Variants in GNAL observed in about 807,000 individuals in gnomAD.
GNAL encodes G protein subunit alpha L.
GNAL carries 18 observed loss-of-function variants against 55.1 expected under a neutral mutation model. The observed-to-expected ratio is 0.33, with a 90% CI of 0.23 to 0.48. GNAL has a LOEUF of 0.48. Ranked by LOEUF, GNAL falls within the 20% of genes least tolerant of loss-of-function variation. The pLI is 0.99. For missense variants in GNAL, 412 were observed against 614.1 expected (o/e 0.67, Z 3.48); for synonymous variants, 253 against 237.0 (o/e 1.07, Z -0.62).
chr18:11,729,892 A>G (rs886504144), intron 1 of GNAL, among the ~76,000 whole-genome samples: 2 of 152,220 alleles, frequency 1.3e-5, no homozygotes, highest in African/African-American at 4.8e-5. Context: ...GTAAAATCAT[A>G]AAGCAACACA....
intron 1 of GNAL, among the ~76,000 whole-genome samples, chr18:11,719,769 C>T (rs1229910709): frequency 6.6e-6 from 1 of 150,552 alleles, no homozygotes. Flanking sequence ...CACCATGCTG[C>T]AGCAGCCATG....
Position 11,867,236 on chromosome 18 carries a change from T to C in GNAL, c.910+10T>C, listed in dbSNP as rs1334971415. The C allele has an allele frequency of 3.8e-6, 6 of 1,563,718 alleles. No homozygotes were observed. Among genetic ancestry groups the C allele is most frequent in the African/African-American group, 2.7e-5 (2 of 73,890 alleles). ...ATCCAGTGCTTTAACGGTGATTTTT[T>C]TATGCTCTCTCAAGAAAATAGGAGT... On this transcript the variant is annotated intron_variant, in intron 8 of 11. Coordinates refer to ENST00000334049, the MANE Select transcript of GNAL (RefSeq NM_182978.4).
intron 5 of GNAL, among the ~76,000 whole-genome samples, chr18:11,831,106 A>C (rs2143685516): frequency 6.6e-6 from 1 of 152,328 alleles, no homozygotes; most frequent in East Asian, 1.9e-4. Flanking sequence ...GGAATTGCAT[A>C]CATCAAAATG....
intron 1 of GNAL, among the ~76,000 whole-genome samples, chr18:11,738,594 C>T (rs934807796): frequency 3.9e-5 from 6 of 152,008 alleles, no homozygotes; most frequent in African/African-American, 1.4e-4. Context: ...ATTACAGGCG[C>T]CCACCACCAC....
intron 5 of GNAL, among the ~76,000 whole-genome samples, chr18:11,838,825 A>G (rs1451655050): frequency 6.6e-6 from 1 of 152,246 alleles, no homozygotes; most frequent in African/African-American, 2.4e-5. Context: ...TAGAAAAGCA[A>G]AAAATACTGA....
At chr18:11,745,293 GGCTCCTT>G (rs2032665687) in intron 1 of GNAL, among the ~76,000 whole-genome samples, 1 of 152,014 alleles carries the variant, frequency 6.6e-6, no homozygotes, top group Non-Finnish European at 1.5e-5. Flanking sequence ...AGGGGTGGGA[GGCTCCTT>G]ATAATGGGAA....
At chr18:11,777,168 C>T (rs2033807702) in intron 4 of GNAL, among the ~76,000 whole-genome samples, 1 of 152,134 alleles carries the variant, frequency 6.6e-6, no homozygotes, top group Admixed American at 6.6e-5. Flanking sequence ...GGGCTTTGGC[C>T]AAGTTTTCAG....
intron 5 of GNAL, among the ~76,000 whole-genome samples, chr18:11,846,468 C>T (rs866875869): frequency 6.1e-5 from 8 of 130,738 alleles, no homozygotes; most frequent in South Asian, 2.3e-4. Flanking sequence ...TAAATATACA[C>T]ACACACACAC....
At chr18:11,862,123 C>T (rs1468447023) in intron 5 of GNAL, among the ~76,000 whole-genome samples, 2 of 151,934 alleles carry the variant, frequency 1.3e-5, no homozygotes, top group Non-Finnish European at 2.9e-5. Flanking sequence ...CTGAGTAGCT[C>T]CCACCCCCAG....
Position 11,760,627 on chromosome 18 carries a change from G to A in GNAL, c.624+6682G>A, listed in dbSNP as rs149829838. Among the ~76,000 whole-genome samples the A allele has an allele frequency of 5.9e-4, 90 of 152,290 alleles. No individual in the cohort carries two copies. In the East Asian group the frequency reaches 0.017, roughly 29 times the overall value. On this transcript the variant is annotated intron_variant, in intron 4 of 11. Transcript: ENST00000334049. ...GGTCTGTCTTGAATGGGAGTCACTG[G>A]GAGAAGGGTCTTTGGGCTTGGCGCT...
Position 11,862,987 on chromosome 18 carries a change from T to C in GNAL, c.777+538T>C, listed in dbSNP as rs541894842. On this transcript the variant is annotated intron_variant, in intron 6 of 11. Transcript: ENST00000334049. ...TCTGCCTCCCAAGTTCAAGCGATTC[T>C]CCTGCCTCAGCCTTCCAAGTAGCTG... Among the ~76,000 whole-genome samples the C allele has an allele frequency of 1.6e-4, 25 of 151,878 alleles. No homozygotes were observed. The South Asian group carries it at 4.6e-3, about 28-fold the overall frequency.
intron 1 of GNAL, among the ~76,000 whole-genome samples, chr18:11,748,740 A>AT (rs1353090545): frequency 2.0e-5 from 3 of 152,156 alleles, no homozygotes; most frequent in Non-Finnish European, 4.4e-5. Flanking sequence ...GCTGTCCAAC[A>AT]TTTTATAGAA....
intron 4 of GNAL, among the ~76,000 whole-genome samples, chr18:11,758,384 G>A (rs1423600429): frequency 2.0e-5 from 3 of 152,142 alleles, no homozygotes; most frequent in Non-Finnish European, 4.4e-5. Flanking sequence ...GAACAGTGAT[G>A]GATGATAAAA....
chr18:11,712,499 A>C lies in GNAL; in HGVS notation c.376+22560A>C, dbSNP rs575653759. 7.2e-5 allele frequency among the ~76,000 whole-genome samples: 11 copies of C among 152,328 alleles called. No homozygotes were observed. In the South Asian group the frequency reaches 2.3e-3, roughly 32 times the overall value. ...ACATCAATTTTTCAGCAGGGCAATAAATTTTTCAGCGGGGCTGGGACTTTC... is the reference window on the plus strand; with the variant it reads ...ACATCAATTTTTCAGCAGGGCAATACATTTTTCAGCGGGGCTGGGACTTTC... On this transcript the variant is annotated intron_variant, in intron 1 of 11. Transcript: ENST00000334049.
intron 11 of GNAL, among the ~76,000 whole-genome samples, chr18:11,877,325 TGC>T (rs1567906824): frequency 6.6e-6 from 1 of 151,982 alleles, no homozygotes; most frequent in Non-Finnish European, 1.5e-5. Context: ...TGTGGTGGCA[TGC>T]GCCTGTAATC....
chr18:11,735,303 G>C (rs1026290268), intron 1 of GNAL, among the ~76,000 whole-genome samples: 1 of 151,924 alleles, frequency 6.6e-6, no homozygotes, highest in African/African-American at 2.4e-5. Context: ...CACCCGCCTT[G>C]CCCTTCCAAA....
intron 5 of GNAL, among the ~76,000 whole-genome samples, chr18:11,843,215 G>C (rs1255897185): frequency 2.0e-5 from 3 of 151,768 alleles, no homozygotes; most frequent in African/African-American, 7.3e-5. Flanking sequence ...AAAGAAAAAA[G>C]GGGCTGGGTG....
intron 9 of GNAL, among the ~76,000 whole-genome samples, chr18:11,870,006 C>T (rs181898288): frequency 2.0e-5 from 3 of 152,224 alleles, no homozygotes; most frequent in Admixed American, 2.0e-4. Context: ...ACTTACCTAG[C>T]TTTTACATCG....
intron 4 of GNAL, among the ~76,000 whole-genome samples, chr18:11,757,606 A>G (rs2033101363): frequency 6.6e-6 from 1 of 152,174 alleles, no homozygotes; most frequent in Non-Finnish European, 1.5e-5. Context: ...GGGGAAATAG[A>G]TCAATCAAGA....
Sources: gnomAD v4.1 joint callset for allele counts (sites outside exome capture counted in the v4.1 genomes callset) on GRCh38, gnomAD v4.1.1 for gene constraint, MANE v1.5 for transcripts, NCBI Gene and HGNC (gene_info 2026-07-23, HGNC 2026-07-21) for gene names.